The following DGLUCY variants were observed in gnomAD, a reference collection of about 807,000 sequenced individuals.
The protein encoded by DGLUCY is D-glutamate cyclase, mitochondrial.
Under a neutral mutation model 58.5 loss-of-function variants are expected in DGLUCY, and 58 were observed. That is an observed-to-expected ratio of 0.99 (90% CI 0.80 to 1.23). The LOEUF (loss-of-function observed/expected upper bound fraction) is 1.23, where lower values mean the gene tolerates loss of function less well. Among genes scored for constraint, DGLUCY ranks in the 50% most tolerant of loss-of-function variants. The pLI is 0.00. For missense variants in DGLUCY, 779 were observed against 784.7 expected, an observed-to-expected ratio of 0.99 and a Z score of 0.09; for synonymous variants, 325 against 314.1, an observed-to-expected ratio of 1.03 and a Z score of -0.37.
At chr14:91,215,850 C>T (rs1886440929) in intron 13 of DGLUCY, 1 of 973,544 alleles carries the variant, frequency 1.0e-6, no homozygotes, top group Non-Finnish European at 1.4e-6. Context: ...TGGGGGTGGT[C>T]AGCATTGTTG....
intron 1 of DGLUCY, among the ~76,000 whole-genome samples, chr14:91,148,207 A>AT (rs1426634761): frequency 0.021 from 3,074 of 145,288 alleles, 97 homozygotes; most frequent in African/African-American, 0.069. Context: ...CTAACAAAGG[A>AT]TTTTTTTTTT....
At chr14:91,196,026 G>A (rs1229432408) in intron 9 of DGLUCY, among the ~76,000 whole-genome samples, 1 of 152,092 alleles carries the variant, frequency 6.6e-6, no homozygotes, top group Non-Finnish European at 1.5e-5. Flanking sequence ...AGTGGCTGGC[G>A]CACTGTCACC....
At chr14:91,118,993 A>G (rs916788340) in intron 1 of DGLUCY, among the ~76,000 whole-genome samples, 7 of 152,102 alleles carry the variant, frequency 4.6e-5, no homozygotes, top group Non-Finnish European at 8.8e-5. Flanking sequence ...AAATTATACT[A>G]CTACTACTAA....
intron 11 of DGLUCY, among the ~76,000 whole-genome samples, chr14:91,203,784 C>G (rs7141504): frequency 0.04 from 6,038 of 151,926 alleles, 164 homozygotes; most frequent in South Asian, 0.11. Flanking sequence ...TCAAGTGATT[C>G]TCCTGGCTCA....
intron 8 of DGLUCY, among the ~76,000 whole-genome samples, chr14:91,185,846 C>G (rs771760141): frequency 2.6e-5 from 4 of 152,158 alleles, no homozygotes; most frequent in Non-Finnish European, 5.9e-5. Context: ...AAGGATGAGG[C>G]TGGGGGAGGC....
intron 1 of DGLUCY, among the ~76,000 whole-genome samples, chr14:91,123,367 C>T (rs1045698910): frequency 1.3e-5 from 2 of 152,126 alleles, no homozygotes; most frequent in African/African-American, 4.8e-5. Context: ...AAGCAATAAA[C>T]GCTGCCCTGG....
chr14:91,152,654 T>C (rs916947807), intron 1 of DGLUCY, among the ~76,000 whole-genome samples: 5 of 152,176 alleles, frequency 3.3e-5, no homozygotes, highest in South Asian at 2.1e-4. Context: ...TTGGCAAACA[T>C]TGAGCAACTC....
At chr14:91,108,886 C>T (rs557868600) in intron 1 of DGLUCY, among the ~76,000 whole-genome samples, 95 of 152,062 alleles carry the variant, frequency 6.2e-4, no homozygotes, top group Non-Finnish European at 1.2e-3. Flanking sequence ...ATATTGGGGA[C>T]GATTGGTCTA....
intron 1 of DGLUCY, among the ~76,000 whole-genome samples, chr14:91,066,084 A>T (rs2043813597): frequency 6.6e-6 from 1 of 152,228 alleles, no homozygotes; most frequent in Admixed American, 6.5e-5. Flanking sequence ...CCTCTCAGAA[A>T]CTGACTTTAT....
upstream of DGLUCY, among the ~76,000 whole-genome samples, chr14:91,104,063 T>TTTTTTTTTTTC (rs1555391193): frequency 3.7e-3 from 98 of 26,580 alleles, 1 homozygote; most frequent in South Asian, 0.019. Context: ...AAAACATTCT[T>TTTTTTTTTTTC]TTTTTTTTTT....
chr14:91,175,777 C>A, intron 6 of DGLUCY, 157 bp from the exon 7 acceptor site: 1 of 762,784 alleles, frequency 1.3e-6, no homozygotes, highest in Non-Finnish European at 2.1e-6. Context: ...GTTGTCAAAG[C>A]CTTAATCCCT....
intron 1 of DGLUCY, among the ~76,000 whole-genome samples, chr14:91,079,434 A>C (rs571740752): frequency 6.7e-6 from 1 of 150,156 alleles, no homozygotes; most frequent in Non-Finnish European, 1.5e-5. Flanking sequence ...GCTCACTGCA[A>C]CCTCCGCCTC....
At chr14:91,150,724 C>A (rs1055038817) in intron 1 of DGLUCY, among the ~76,000 whole-genome samples, 1 of 152,094 alleles carries the variant, frequency 6.6e-6, no homozygotes, top group East Asian at 1.9e-4. Context: ...CCACACCTGG[C>A]CTTAATCCGA....
chr14:91,223,677 A>G (rs897399722), intron 13 of DGLUCY: 1 of 1,287,108 alleles, frequency 7.8e-7, no homozygotes. Flanking sequence ...TTTAACCAGC[A>G]GGAGAGCAAA....
At chr14:91,116,457 T>G (rs992611297) in intron 1 of DGLUCY, among the ~76,000 whole-genome samples, 5 of 152,212 alleles carry the variant, frequency 3.3e-5, no homozygotes, top group African/African-American at 1.2e-4. Flanking sequence ...AAGCTGTGTC[T>G]TTTTGACTGT....
intron 1 of DGLUCY, among the ~76,000 whole-genome samples, chr14:91,153,397 G>A (rs993347174): frequency 1.3e-5 from 2 of 152,176 alleles, no homozygotes; most frequent in African/African-American, 4.8e-5. Context: ...TGGCCAGGCT[G>A]ATCTCAAACT....
At chr14:91,093,753 T>C (rs990691524) in intron 1 of DGLUCY, among the ~76,000 whole-genome samples, 6 of 151,868 alleles carry the variant, frequency 4.0e-5, no homozygotes, top group Non-Finnish European at 7.4e-5. Context: ...CACGGTGAAC[T>C]GAGATGGAGC....
intron 10 of DGLUCY, 66 bp from the exon 11 acceptor site, chr14:91,199,691 C>T: frequency 6.4e-7 from 1 of 1,559,564 alleles, no homozygotes; most frequent in Non-Finnish European, 8.8e-7. Flanking sequence ...CACAAGAAGG[C>T]ATGACCCAGC....
intron 1 of DGLUCY, among the ~76,000 whole-genome samples, chr14:91,117,073 CGGGT>C (rs2045011962): frequency 6.6e-6 from 1 of 152,010 alleles, no homozygotes; most frequent in Admixed American, 6.6e-5. Context: ...TTCCAGGAAA[CGGGT>C]GGGCAATTCC....
Sources: allele counts gnomAD v4.1 joint callset (sites outside exome capture counted in the v4.1 genomes callset), GRCh38; gene constraint gnomAD v4.1.1; transcripts MANE v1.5; gene names NCBI Gene and HGNC (gene_info 2026-07-23, HGNC 2026-07-21).